TMOD1: variants seen among roughly 807,000 people sequenced by gnomAD.
TMOD1 encodes the protein tropomodulin-1.
A neutral mutation model predicts 40.6 loss-of-function variants in TMOD1; 17 were observed. The observed-to-expected ratio is 0.42, with a 90% CI of 0.29 to 0.63. The LOEUF is 0.63. Among genes scored for constraint, TMOD1 ranks in the 20% least tolerant of loss-of-function variants. The pLI is 0.22. For missense variants in TMOD1, 391 were observed against 447.6 expected (o/e 0.87, Z 1.14); for synonymous variants, 181 against 175.0 (o/e 1.03, Z -0.27).
intron 8 of TMOD1, among the ~76,000 whole-genome samples, chr9:97,572,636 T>G (rs1290301327): frequency 6.6e-6 from 1 of 151,920 alleles, no homozygotes; most frequent in Admixed American, 6.6e-5. Context: ...AGGTGGCGAG[T>G]GGCATTTGAT....
intron 2 of TMOD1, among the ~76,000 whole-genome samples, chr9:97,525,125 A>G (rs1475077225): frequency 6.6e-6 from 1 of 152,186 alleles, no homozygotes; most frequent in Non-Finnish European, 1.5e-5. Context: ...ACATGATACA[A>G]CTATCCTGGG....
In TMOD1 at chr9:97,600,682, T is replaced by C; in HGVS notation, c.*984T>C. On this transcript the variant is annotated 3_prime_UTR_variant, in exon 10 of 10. Coordinates refer to ENST00000259365, the MANE Select transcript of TMOD1 (RefSeq NM_003275.4). ...GACAAATTGCTGCTGACCTTACGCCTGTATATTAAGCCTCCGCAGGATGCC... is the reference window on the plus strand; with the variant it reads ...GACAAATTGCTGCTGACCTTACGCCCGTATATTAAGCCTCCGCAGGATGCC... 1 of 998,176 alleles carries C rather than the reference T, an allele frequency of 1.0e-6. No individual in the cohort carries two copies. The highest frequency in any genetic ancestry group is 1.2e-6 in the Non-Finnish European group (1 of 837,764). The allele number at this position is 998,176 out of a possible 1,614,324, so 61.8% of individuals were successfully genotyped here.
At chr9:97,534,704 T>G (rs1046720229) in intron 2 of TMOD1, among the ~76,000 whole-genome samples, 4 of 152,106 alleles carry the variant, frequency 2.6e-5, no homozygotes, top group Non-Finnish European at 5.9e-5. Flanking sequence ...TTAAGATATA[T>G]CCCAGCTGGC....
In TMOD1 at chr9:97,575,941, C is replaced by T. The variant is rs77973388; in HGVS notation, c.870+6904C>T. On this transcript the variant is annotated intron_variant, in intron 8 of 9. Coordinates refer to ENST00000259365, the MANE Select transcript of TMOD1 (RefSeq NM_003275.4). ...AGCAGTCTCAATTTTAATTTGAAAG[C>T]GCCTATCTTTCAACCTAGCAGTTTT... Among the ~76,000 whole-genome samples, 657 of 152,272 alleles carry T rather than the reference C, an allele frequency of 4.3e-3. 5 individuals are homozygous for T. Among genetic ancestry groups the T allele is most frequent in the African/African-American group, 0.014 (594 of 41,538 alleles).
intron 4 of TMOD1, among the ~76,000 whole-genome samples, chr9:97,559,489 G>C (rs1161776377): frequency 6.6e-6 from 1 of 151,564 alleles, no homozygotes; most frequent in East Asian, 1.9e-4. Context: ...AAATCGGCCG[G>C]GCGTGGTGGC....
rs1473993889 is a variant in TMOD1, at chr9:97,512,146, G to A, written c.-49+10343G>A. ...AAGAGAAGGCCTAATTCACAGCAGA[G>A]GTCATCCCCATGTCCAGAAGGCATA... On this transcript the variant is annotated intron_variant, in intron 1 of 9. Transcript: ENST00000259365. 3.3e-5 allele frequency among the ~76,000 whole-genome samples: 5 copies of A among 152,118 alleles called. No homozygotes were observed. In the East Asian group the frequency reaches 7.7e-4, roughly 23 times the overall value.
intron 1 of TMOD1, among the ~76,000 whole-genome samples, chr9:97,508,086 CACACACACACACACACA>C (rs967775034): frequency 6.6e-6 from 1 of 151,438 alleles, no homozygotes; most frequent in African/African-American, 2.4e-5. Flanking sequence ...CACACACACA[CACACACACACACACACA>C]CAGACTCTGG....
intron 1 of TMOD1, among the ~76,000 whole-genome samples, chr9:97,521,577 C>T (rs975758369): frequency 7.9e-5 from 12 of 152,094 alleles, no homozygotes; most frequent in African/African-American, 2.7e-4. Flanking sequence ...GTTTTTTCGT[C>T]GATACCAGAG....
intron 1 of TMOD1, among the ~76,000 whole-genome samples, chr9:97,511,984 G>A (rs936935928): frequency 5.9e-5 from 9 of 152,162 alleles, no homozygotes; most frequent in African/African-American, 2.2e-4. Context: ...CCTCTGGGGA[G>A]CCACAGACCT....
chr9:97,550,444 G>C (rs1177780944), intron 3 of TMOD1, among the ~76,000 whole-genome samples: 2 of 152,188 alleles, frequency 1.3e-5, no homozygotes, highest in African/African-American at 2.4e-5. Context: ...TTGAGTAACT[G>C]CTAAACTTCT....
intron 2 of TMOD1, among the ~76,000 whole-genome samples, chr9:97,527,358 C>T (rs545103632): frequency 6.6e-6 from 1 of 152,214 alleles, no homozygotes. Flanking sequence ...GGGACTCTGC[C>T]TTTCAGGAGC....
At chr9:97,564,486 A>T (rs1483072381) in intron 6 of TMOD1, among the ~76,000 whole-genome samples, 1 of 152,178 alleles carries the variant, frequency 6.6e-6, no homozygotes, top group Non-Finnish European at 1.5e-5. Flanking sequence ...ATTCTCCGAG[A>T]TAAAATCATG....
intron 2 of TMOD1, among the ~76,000 whole-genome samples, chr9:97,538,135 C>T (rs1425812599): frequency 1.3e-5 from 2 of 152,090 alleles, no homozygotes; most frequent in Non-Finnish European, 2.9e-5. Context: ...GCCCCAGTCC[C>T]CAACACTCCC....
At chr9:97,572,887 A>G (rs546008457) in intron 8 of TMOD1, among the ~76,000 whole-genome samples, 2 of 152,228 alleles carry the variant, frequency 1.3e-5, no homozygotes, top group Admixed American at 1.3e-4. Context: ...ATCTCCAAGC[A>G]ATGTTCTGTT....
At position 97,600,781 on chromosome 9, in the gene TMOD1, T is replaced by C; in HGVS notation, c.*1083T>C. The C allele has an allele frequency of 9.9e-7, 1 of 1,015,042 alleles. No individual in the cohort carries two copies. The highest frequency in any genetic ancestry group is 3.8e-5 in the South Asian group (1 of 26,570). The allele number at this position is 1,015,042 out of a possible 1,614,324, so 62.9% of individuals were successfully genotyped here. On this transcript the variant is annotated 3_prime_UTR_variant, in exon 10 of 10. Transcript: ENST00000259365. ...CCAAACCACCCCAAGATGATTACAC[T>C]GAAATGTAGTATTAGTACTGCTGCC... is the stretch of plus-strand genomic sequence containing the variant.
intron 4 of TMOD1, among the ~76,000 whole-genome samples, chr9:97,561,709 T>C (rs1830643444): frequency 6.6e-6 from 1 of 152,106 alleles, no homozygotes; most frequent in Non-Finnish European, 1.5e-5. Flanking sequence ...CTTCCTACTC[T>C]CCACCTCCCA....
chr9:97,573,627 T>C (rs1403108017), intron 8 of TMOD1, among the ~76,000 whole-genome samples: 4 of 152,170 alleles, frequency 2.6e-5, no homozygotes, highest in African/African-American at 9.7e-5. Context: ...CTGGCTGACT[T>C]CGCCCAGAGT....
chr9:97,595,577 C>T (rs2245694), intron 9 of TMOD1, among the ~76,000 whole-genome samples: 37,933 of 147,198 alleles, frequency 0.26, 5,787 homozygotes, highest in African/African-American at 0.43. Context: ...AATCGTACTC[C>T]ATTGTGCATA....
Position 97,514,245 on chromosome 9 carries a change from G to C in TMOD1, c.-48-9896G>C, listed in dbSNP as rs1426024997. Among the ~76,000 whole-genome samples the C allele has an allele frequency of 4.2e-5, 6 of 143,240 alleles. No individual in the cohort carries two copies. The East Asian group carries it at 1.0e-3, about 24-fold the overall frequency. 94.0% of individuals were successfully genotyped at this position (143,240 alleles called of 152,430 possible). On this transcript the variant is annotated intron_variant, in intron 1 of 9. Transcript: ENST00000259365. ...CCTGGCTAATGTTTTTTTTTTGGGG[G>C]GGGGGTTGTGTTTTCTTTTTTTTCT...
Sources: gnomAD v4.1 joint callset for allele counts (sites outside exome capture counted in the v4.1 genomes callset) on GRCh38, gnomAD v4.1.1 for gene constraint, MANE v1.5 for transcripts, NCBI Gene and HGNC (gene_info 2026-07-23, HGNC 2026-07-21) for gene names.